The following MALRD1 variants were observed in gnomAD, a reference collection of about 807,000 sequenced individuals.
The protein encoded by MALRD1 is MAM and LDL-receptor class A domain-containing protein 1.
MALRD1 carries 247 observed loss-of-function variants against 242.1 expected under a neutral mutation model. That is an observed-to-expected ratio of 1.02 (90% CI 0.92 to 1.13). The LOEUF is 1.13. Among genes scored for constraint, MALRD1 ranks in the 50% most tolerant of loss-of-function variants. MALRD1 has a pLI of 0.00. For missense variants in MALRD1, 2,989 were observed against 2,533.1 expected (o/e 1.18, Z -3.86); for synonymous variants, 995 against 866.6 (o/e 1.15, Z -2.60).
chr10:19,407,623 C>T (rs371985574), intron 28 of MALRD1, among the ~76,000 whole-genome samples: 25 of 152,264 alleles, frequency 1.6e-4, no homozygotes, highest in African/African-American at 5.1e-4. Context: ...AGATGCCCTA[C>T]CACTATAGTG....
At chr10:19,424,319 T>G (rs1015623185) in intron 28 of MALRD1, among the ~76,000 whole-genome samples, 7 of 151,878 alleles carry the variant, frequency 4.6e-5, no homozygotes, top group Non-Finnish European at 8.8e-5. Context: ...ACCACCACGC[T>G]TAGCTCATTT....
chr10:19,259,438 A>G (rs1235987095), intron 19 of MALRD1, among the ~76,000 whole-genome samples: 2 of 152,178 alleles, frequency 1.3e-5, no homozygotes, highest in Non-Finnish European at 1.5e-5. Flanking sequence ...GGGCCTCACA[A>G]TCATGGCAGA....
chr10:19,193,947 T>G (rs893826158), intron 14 of MALRD1, among the ~76,000 whole-genome samples: 18 of 152,214 alleles, frequency 1.2e-4, no homozygotes, highest in African/African-American at 4.3e-4. Context: ...ATCACTGATT[T>G]CTGCCTACCC....
chr10:19,059,427 G>T (rs1834758030), intron 1 of MALRD1, among the ~76,000 whole-genome samples: 1 of 151,984 alleles, frequency 6.6e-6, no homozygotes, highest in African/African-American at 2.4e-5. Flanking sequence ...TTGCTCTGTT[G>T]CCCAGGCTGG....
At position 19,660,720 on chromosome 10, in the gene MALRD1, G is replaced by A. The variant is rs193014153; in HGVS notation, c.6138-31562G>A. Among the ~76,000 whole-genome samples the A allele has an allele frequency of 2.0e-3, 310 of 152,214 alleles. 2 individuals carry two copies. The highest frequency in any genetic ancestry group is 6.1e-3 in the African/African-American group (254 of 41,546). On this transcript the variant is annotated intron_variant, in intron 36 of 39. Coordinates refer to ENST00000454679, the MANE Select transcript of MALRD1 (RefSeq NM_001142308.3). ...AATAGCATGTGTCAAAATACCAGTG[G>A]CGTTAATTCTAGCAGGCTTTTCCAC...
intron 17 of MALRD1, among the ~76,000 whole-genome samples, chr10:19,206,582 A>T (rs1485384562): frequency 6.6e-6 from 1 of 152,194 alleles, no homozygotes; most frequent in African/African-American, 2.4e-5. Context: ...GTACAACTAT[A>T]GTATCAAAAT....
At chr10:19,312,125 G>A (rs16915695) in intron 21 of MALRD1, among the ~76,000 whole-genome samples, 4 of 151,010 alleles carry the variant, frequency 2.6e-5, no homozygotes, top group Non-Finnish European at 5.9e-5. Flanking sequence ...CATATACCAC[G>A]CATTAAAATA....
chr10:19,663,971 G>C (rs554896636), intron 36 of MALRD1, among the ~76,000 whole-genome samples: 1 of 152,150 alleles, frequency 6.6e-6, no homozygotes, highest in South Asian at 2.1e-4. Flanking sequence ...TACTTGCCAG[G>C]CAGGGACATA....
At chr10:19,534,400 T>C (rs1834559070) in intron 32 of MALRD1, among the ~76,000 whole-genome samples, 1 of 152,196 alleles carries the variant, frequency 6.6e-6, no homozygotes, top group Non-Finnish European at 1.5e-5. Context: ...AGGCTTTCCA[T>C]TAGCATGCTT....
chr10:19,206,809 C>T (rs1836807503), intron 17 of MALRD1, among the ~76,000 whole-genome samples: 1 of 152,150 alleles, frequency 6.6e-6, no homozygotes, highest in Non-Finnish European at 1.5e-5. Flanking sequence ...CCAAGACAGA[C>T]AATAGAAAAA....
intron 23 of MALRD1, among the ~76,000 whole-genome samples, chr10:19,329,945 A>G (rs577955288): frequency 1.3e-5 from 2 of 152,194 alleles, no homozygotes; most frequent in East Asian, 1.9e-4. Flanking sequence ...TAACAGTGCA[A>G]CACTCATTGC....
At chr10:19,684,984 C>T (rs574137622) in intron 36 of MALRD1, among the ~76,000 whole-genome samples, 36 of 152,222 alleles carry the variant, frequency 2.4e-4, no homozygotes, top group African/African-American at 8.4e-4. Context: ...CTATTAACAA[C>T]TCATATTTGG....
chr10:19,247,823 G>A (rs1839130364), intron 18 of MALRD1, among the ~76,000 whole-genome samples: 1 of 151,786 alleles, frequency 6.6e-6, no homozygotes, highest in Non-Finnish European at 1.5e-5. Context: ...CATTAATTTT[G>A]TTAAAATAAA....
chr10:19,193,158 G>A (rs1284791863), intron 14 of MALRD1, among the ~76,000 whole-genome samples: 2 of 152,144 alleles, frequency 1.3e-5, no homozygotes, highest in African/African-American at 4.8e-5. Flanking sequence ...CTGAAAGAAG[G>A]CCAACATTAT....
rs917380260 is a variant in MALRD1, at chr10:19,389,438, G to C, written c.4688-14G>C. The C allele has an allele frequency of 2.6e-6, 4 of 1,549,194 alleles. No individual in the cohort carries two copies. Among genetic ancestry groups the C allele is most frequent in the Non-Finnish European group, 2.6e-6 (3 of 1,146,268 alleles). ...GTTATTTCGTTCTTCTCTGAATTCT[G>C]TCCTTGTTCCTAGGGCACTTCATGT... On this transcript the variant is annotated splice_polypyrimidine_tract_variant and intron_variant, in intron 27 of 39. Coordinates refer to ENST00000454679, the MANE Select transcript of MALRD1 (RefSeq NM_001142308.3).
intron 29 of MALRD1, among the ~76,000 whole-genome samples, chr10:19,461,814 A>T (rs2131098269): frequency 6.6e-6 from 1 of 152,276 alleles, no homozygotes; most frequent in East Asian, 1.9e-4. Context: ...ACTGCACCCC[A>T]ACCTGGGTGA....
At chr10:19,087,979 G>T (rs1395065461) in intron 3 of MALRD1, 45 bp downstream of exon 3, 33 of 1,232,426 alleles carry the variant, frequency 2.7e-5, no homozygotes, top group Non-Finnish European at 3.2e-5. Flanking sequence ...TCACATTTGG[G>T]GACTTCTTTA....
intron 28 of MALRD1, among the ~76,000 whole-genome samples, chr10:19,444,500 T>C (rs1834851601): frequency 6.6e-6 from 1 of 152,140 alleles, no homozygotes; most frequent in Non-Finnish European, 1.5e-5. Context: ...TAAGGCAGGC[T>C]TGGTGGTGAC....
intron 38 of MALRD1, among the ~76,000 whole-genome samples, chr10:19,707,391 G>C (rs1298190376): frequency 6.6e-6 from 1 of 152,182 alleles, no homozygotes; most frequent in African/African-American, 2.4e-5. Context: ...AAGTATGTCA[G>C]CTGGTTCCTG....
Sources: allele counts gnomAD v4.1 joint callset (sites outside exome capture counted in the v4.1 genomes callset), GRCh38; gene constraint gnomAD v4.1.1; transcripts MANE v1.5; gene names NCBI Gene and HGNC (gene_info 2026-07-23, HGNC 2026-07-21).